Variants in MAP1LC3A observed in about 807,000 individuals in gnomAD.
MAP1LC3A encodes microtubule associated protein 1 light chain 3 alpha, also known as microtubule-associated protein 1 light chain 3 alpha.
In MAP1LC3A, 10 loss-of-function variants were observed where a neutral mutation model predicts 15.2. That is an observed-to-expected ratio of 0.66 (90% CI 0.41 to 1.12). The LOEUF (loss-of-function observed/expected upper bound fraction) is 1.12. Ranked by LOEUF, MAP1LC3A falls within the 50% of genes most tolerant of loss-of-function variation. MAP1LC3A has a pLI of 0.00. For missense variants in MAP1LC3A, 138 were observed against 167.3 expected (o/e 0.82, Z 0.97); for synonymous variants, 63 against 64.3 (o/e 0.98, Z 0.10).
chr20:34,554,658 C>G (rs1982084601), upstream of MAP1LC3A, among the ~76,000 whole-genome samples: 1 of 150,834 alleles, frequency 6.6e-6, no homozygotes, highest in Non-Finnish European at 1.5e-5. Context: ...AGGCATGAGA[C>G]ACCGCGCCCG....
Position 34,559,453 on chromosome 20 carries a change from G to T in MAP1LC3A, c.203G>T (p.Arg68Leu). The change falls in exon 3 of 4, where the codon CGG becomes CTG. Residue 68 changes from arginine to leucine, a missense_variant and splice_region_variant. By Grantham distance (102) the Arg-to-Leu change is moderately radical. Coordinates refer to ENST00000360668, the MANE Select transcript of MAP1LC3A (RefSeq NM_032514.4). ...VNMSELVKII[R>L]RRLQLNPTQA... is the part of the protein sequence containing the mutation. ...ATGAGCGAGTTGGTCAAGATCATCC[G>T]GTGCGTGGGCAGCCGCCGCCAGGAG... 1.2e-6 allele frequency: 2 copies of T among 1,611,624 alleles called. No individual in the cohort carries two copies. The highest frequency in any genetic ancestry group is 1.7e-6 in the Non-Finnish European group (2 of 1,179,068).
chr20:34,554,115 A>G (rs1051791529), upstream of MAP1LC3A, among the ~76,000 whole-genome samples: 2 of 151,986 alleles, frequency 1.3e-5, no homozygotes, highest in African/African-American at 2.4e-5. Flanking sequence ...CTCTAAACTT[A>G]TTACCTATCA....
At chr20:34,556,911 C>T (rs1851571068), upstream of MAP1LC3A, among the ~76,000 whole-genome samples, 1 of 152,164 alleles carries the variant, frequency 6.6e-6, no homozygotes, top group Non-Finnish European at 1.5e-5. Context: ...TATTTTCAGC[C>T]TTAAAAACAA....
chr20:34,553,991 T>C (rs1324384138), upstream of MAP1LC3A, among the ~76,000 whole-genome samples: 2 of 152,208 alleles, frequency 1.3e-5, no homozygotes, highest in African/African-American at 4.8e-5. Context: ...TCCTGGTGTG[T>C]AGGAAAGACA....
chr20:34,554,428 C>T (rs1982071457), upstream of MAP1LC3A, among the ~76,000 whole-genome samples: 1 of 125,520 alleles, frequency 8.0e-6, no homozygotes, highest in South Asian at 2.9e-4. Flanking sequence ...GGCTGGAGTG[C>T]GGTGGCGCGA....
At chr20:34,554,860 ATTTTGTATT>A (rs758862112), upstream of MAP1LC3A, among the ~76,000 whole-genome samples, 72 of 148,724 alleles carry the variant, frequency 4.8e-4, no homozygotes, top group South Asian at 4.7e-3. Flanking sequence ...TAATTTTTGT[ATTTTGTATT>A]TTTTGTATTT....
chr20:34,556,837 G>C (rs982520272), upstream of MAP1LC3A, among the ~76,000 whole-genome samples: 1 of 152,202 alleles, frequency 6.6e-6, no homozygotes, highest in Non-Finnish European at 1.5e-5. Flanking sequence ...CCAGCCTCTA[G>C]TGATCCACCC....
chr20:34,556,151 T>G (rs1982151179), upstream of MAP1LC3A, among the ~76,000 whole-genome samples: 1 of 152,214 alleles, frequency 6.6e-6, no homozygotes, highest in Non-Finnish European at 1.5e-5. Flanking sequence ...CACCAAGTTT[T>G]CTTAGCATAT....
At chr20:34,549,099 C>T (rs1396493740) in intron 1 of MAP1LC3A, among the ~76,000 whole-genome samples, 1 of 152,132 alleles carries the variant, frequency 6.6e-6, no homozygotes, top group African/African-American at 2.4e-5. Flanking sequence ...AATCTTGGCT[C>T]ACTGCAACCT....
At chr20:34,558,554 C>A, upstream of MAP1LC3A, 2 of 1,157,178 alleles carry the variant, frequency 1.7e-6, no homozygotes, top group Non-Finnish European at 2.1e-6. This position sits in a 1 kb window ranked among gnomAD's most constrained non-coding sequence, Gnocchi z 4.3. Context: ...CATGACGTCA[C>A]GGGACTGTGA....
upstream of MAP1LC3A, among the ~76,000 whole-genome samples, chr20:34,555,139 A>G (rs1419960360): frequency 7.0e-6 from 1 of 143,642 alleles, no homozygotes; most frequent in African/African-American, 2.5e-5. Flanking sequence ...AAGCCAGCGA[A>G]TTTTCTTATT....
intron 2 of MAP1LC3A, among the ~76,000 whole-genome samples, chr20:34,552,060 C>T (rs1459507926): frequency 6.6e-6 from 1 of 151,842 alleles, no homozygotes; most frequent in African/African-American, 2.4e-5. Context: ...GTGCAGTGTG[C>T]GATCTCGGCT....
At chr20:34,554,391 T>C (rs1467951927), upstream of MAP1LC3A, among the ~76,000 whole-genome samples, 1 of 78,978 alleles carries the variant, frequency 1.3e-5, no homozygotes, top group Non-Finnish European at 2.5e-5. Flanking sequence ...TTTTTTTTTT[T>C]TTAGACAAAC....
upstream of MAP1LC3A, among the ~76,000 whole-genome samples, chr20:34,554,354 G>GT (rs537779341): frequency 8.8e-4 from 93 of 106,130 alleles, 3 homozygotes; most frequent in South Asian, 3.4e-3. Flanking sequence ...TATACGTTGG[G>GT]TTTTTTTTTT....
chr20:34,558,557 G>C (rs1982247001), upstream of MAP1LC3A: 1 of 1,167,180 alleles, frequency 8.6e-7, no homozygotes, highest in Non-Finnish European at 1.1e-6. The surrounding 1 kb of genome is among the most constrained non-coding windows in gnomAD (Gnocchi z 4.3). Flanking sequence ...GACGTCACGG[G>C]ACTGTGACGC....
In MAP1LC3A at chr20:34,558,947, G is replaced by C. The variant is rs1181377291; in HGVS notation, c.40+39G>C. 7.4e-7 allele frequency: 1 copy of C among 1,358,844 alleles called. No homozygotes were observed. The highest frequency in any genetic ancestry group is 1.5e-5 in the African/African-American group (1 of 65,070). 84.2% of individuals were successfully genotyped at this position (1,358,844 alleles called of 1,614,324 possible). A position where few individuals can be genotyped will look rare whatever the true frequency, so the allele number is the denominator to read the frequency against. Reference sequence around the variant, plus strand: ...GGCGAGCTGCGAGCTCTGGGGCAGGGGTGCCGGCCGACCCCGACTGCCGCA... The same window carrying C: ...GGCGAGCTGCGAGCTCTGGGGCAGGCGTGCCGGCCGACCCCGACTGCCGCA... On this transcript the variant is annotated intron_variant, in intron 1 of 3. Transcript: ENST00000360668. This position sits in a 1 kb window ranked among gnomAD's most constrained non-coding sequence, Gnocchi z 4.3.
intron 2 of MAP1LC3A, among the ~76,000 whole-genome samples, chr20:34,552,891 A>G (rs1287647932): frequency 6.6e-6 from 1 of 152,186 alleles, no homozygotes; most frequent in Non-Finnish European, 1.5e-5. Flanking sequence ...GAAGGAGTCA[A>G]GAATGACTCT....
At chr20:34,552,332 G>T (rs965752400) in intron 2 of MAP1LC3A, among the ~76,000 whole-genome samples, 3 of 152,246 alleles carry the variant, frequency 2.0e-5, no homozygotes, top group African/African-American at 7.2e-5. Context: ...GTAACTGGGT[G>T]TAAGAGGGAC....
At chr20:34,556,081 A>G (rs180955880), upstream of MAP1LC3A, among the ~76,000 whole-genome samples, 2 of 152,112 alleles carry the variant, frequency 1.3e-5, no homozygotes, top group African/African-American at 4.8e-5. Flanking sequence ...TGACCTCGTG[A>G]TCCGCCTGCC....
Sources: gnomAD v4.1 joint callset for allele counts (sites outside exome capture counted in the v4.1 genomes callset) on GRCh38, gnomAD v4.1.1 for gene constraint, Gnocchi (gnomAD v3.1) non-coding constraint, MANE v1.5 for transcripts, NCBI Gene and HGNC (gene_info 2026-07-23, HGNC 2026-07-21) for gene names.